Variants in NPHP4 observed in about 807,000 individuals in gnomAD.
NPHP4 encodes nephrocystin-4.
NPHP4 carries 151 observed loss-of-function variants against 155.8 expected under a neutral mutation model. That is an observed-to-expected ratio of 0.97 (90% CI 0.85 to 1.11). The LOEUF (loss-of-function observed/expected upper bound fraction) is 1.11. NPHP4 is among the 50% of genes least tolerant of loss of function. The pLI, the probability that NPHP4 is intolerant of heterozygous loss-of-function variation, is 0.00. For missense variants in NPHP4, 1,956 were observed against 1,925.7 expected (o/e 1.02, Z -0.29); for synonymous variants, 845 against 816.8 (o/e 1.03, Z -0.59).
At chr1:5,934,781 G>A (rs969255285) in intron 9 of NPHP4, among the ~76,000 whole-genome samples, 1 of 152,170 alleles carries the variant, frequency 6.6e-6, no homozygotes, top group Admixed American at 6.5e-5. Flanking sequence ...CCCATGCCCT[G>A]CCTAGGATGG....
At chr1:5,956,059 T>TG (rs35135056) in intron 6 of NPHP4, among the ~76,000 whole-genome samples, 13,431 of 104,756 alleles carry the variant, frequency 0.13, 1,423 homozygotes, top group Middle Eastern at 0.2. Context: ...TTCAAAAAGC[T>TG]GGGGGGGGGG....
At chr1:5,929,523 G>A (rs1053495694) in intron 10 of NPHP4, among the ~76,000 whole-genome samples, 2 of 152,058 alleles carry the variant, frequency 1.3e-5, no homozygotes, top group Non-Finnish European at 1.5e-5. Flanking sequence ...GCTGAATATC[G>A]TCAAATGTTT....
chr1:5,930,776 T>G (rs750608134), intron 10 of NPHP4, among the ~76,000 whole-genome samples: 1 of 152,250 alleles, frequency 6.6e-6, no homozygotes, highest in Non-Finnish European at 1.5e-5. Context: ...TAAATATCAT[T>G]CCGATCCAGT....
At chr1:5,921,011 T>C (rs767982823) in intron 11 of NPHP4, among the ~76,000 whole-genome samples, 8 of 152,244 alleles carry the variant, frequency 5.3e-5, no homozygotes, top group Admixed American at 3.3e-4. Context: ...ATTTAATCCA[T>C]CCCATTTTAC....
intron 2 of NPHP4, among the ~76,000 whole-genome samples, chr1:5,985,755 T>G (rs1178910826): frequency 1.3e-5 from 2 of 151,978 alleles, no homozygotes; most frequent in Admixed American, 6.6e-5. Flanking sequence ...CTCAAACGAG[T>G]AAGTGAAAAT....
chr1:5,895,523 A>C (rs1017255567), intron 16 of NPHP4, among the ~76,000 whole-genome samples: 1 of 152,082 alleles, frequency 6.6e-6, no homozygotes, highest in Non-Finnish European at 1.5e-5. Flanking sequence ...ACAAAACACA[A>C]CAAAAAAACT....
Position 5,952,747 on chromosome 1 carries a change from A to C in NPHP4, c.763T>G (p.Phe255Val). Residue 255 changes from phenylalanine to valine, a missense_variant, in exon 7 of 30, where the codon TTT becomes GTT. Physicochemically the swap from Phe to Val is conservative, Grantham distance 50 (BLOSUM62 -1). Transcript: ENST00000378156. ...FFTLYPSLEK[F>V]EEELLELHVQ... ...TGGAGCTCCAGCAGCTCTTCCTCAA[A>C]CTTCTCCAGGGAGGGGTACAGGGTG... is the stretch of plus-strand genomic sequence containing the variant. The C allele has an allele frequency of 6.4e-7, 1 of 1,568,112 alleles. No individual in the cohort carries two copies. Among genetic ancestry groups the C allele is most frequent in the Non-Finnish European group, 8.6e-7 (1 of 1,156,314 alleles).
At position 5,909,209 on chromosome 1, in the gene NPHP4, C is replaced by A. The variant is rs758600868; in HGVS notation, c.1446G>T (p.Pro482=). 1.2e-6 allele frequency: 2 copies of A among 1,601,750 alleles called. No individual in the cohort carries two copies. Among genetic ancestry groups the A allele is most frequent in the African/African-American group, 1.3e-5 (1 of 74,692 alleles). Residue 482 remains proline, a synonymous_variant, in exon 12 of 30, where the codon CCG becomes CCT. Transcript: ENST00000378156. The stretch of plus-strand genomic sequence containing the variant: ...CGAGAACTCGAGGTACTGGCGCTGG[C>A]GGGCCTGGGAGGAAGCACAGTGGGG... ...SRKPPTSPSS[P]PAPVPRVLAA...
chr1:5,867,176 C>A lies in NPHP4; in HGVS notation c.3473-61G>T. 7.8e-7 allele frequency: 1 copy of A among 1,288,726 alleles called. No individual in the cohort carries two copies. 79.8% of individuals were successfully genotyped at this position (1,288,726 alleles called of 1,614,324 possible). ...ACAGCCCCAGCCTGTGTGGAGAAGG[C>A]CCCACACATTACACACTATAGGACA... On this transcript the variant is annotated intron_variant, in intron 24 of 29. Transcript: ENST00000378156. This position sits in a 1 kb window ranked among gnomAD's most constrained non-coding sequence, Gnocchi z 4.1.
intron 19 of NPHP4, among the ~76,000 whole-genome samples, chr1:5,878,119 C>CT (rs1037363074): frequency 6.6e-6 from 1 of 152,204 alleles, no homozygotes; most frequent in Non-Finnish European, 1.5e-5. Context: ...GGCCTGGGTC[C>CT]TTCCTCACTC....
intron 1 of NPHP4, among the ~76,000 whole-genome samples, chr1:5,987,163 T>C (rs1655613999): frequency 1.3e-5 from 2 of 152,118 alleles, no homozygotes; most frequent in Non-Finnish European, 2.9e-5. Context: ...GTTTCAGGTG[T>C]TACCAGCTTC....
At chr1:5,988,737 G>C (rs577371151) in intron 1 of NPHP4, among the ~76,000 whole-genome samples, 1 of 151,524 alleles carries the variant, frequency 6.6e-6, no homozygotes, top group African/African-American at 2.4e-5. Flanking sequence ...CAGGCAGCCT[G>C]AGAGGGGCCT....
Position 5,867,690 on chromosome 1 carries a change from C to T in NPHP4, c.3472+50G>A. The stretch of plus-strand genomic sequence containing the variant: ...GTCACCCTCAAGAGGTATCTACTTC[C>T]AACAGGTGAGCCTGCAACATGTGGG... On this transcript the variant is annotated intron_variant, in intron 24 of 29. Transcript: ENST00000378156. This position sits in a 1 kb window ranked among gnomAD's most constrained non-coding sequence, Gnocchi z 4.1. The T allele has an allele frequency of 7.5e-6, 12 of 1,591,712 alleles. No homozygotes were observed. Among genetic ancestry groups the T allele is most frequent in the South Asian group, 1.1e-5 (1 of 90,318 alleles).
chr1:5,970,129 G>A (rs910829261), intron 3 of NPHP4, among the ~76,000 whole-genome samples: 9 of 152,092 alleles, frequency 5.9e-5, no homozygotes, highest in South Asian at 2.1e-4. Context: ...TCATACGGGC[G>A]CTCCCACTTG....
chr1:5,896,159 C>G (rs1373980465), intron 16 of NPHP4, among the ~76,000 whole-genome samples: 1 of 152,180 alleles, frequency 6.6e-6, no homozygotes, highest in Non-Finnish European at 1.5e-5. Flanking sequence ...AACGAAAAGT[C>G]TGGTTACTGT....
At chr1:5,894,309 CCAGG>C (rs1433784582) in intron 16 of NPHP4, among the ~76,000 whole-genome samples, 7 of 152,064 alleles carry the variant, frequency 4.6e-5, no homozygotes, top group African/African-American at 1.7e-4. Flanking sequence ...CAAAAACTGC[CCAGG>C]CATAGTGGTG....
chr1:5,870,959 G>C (rs11804710), intron 23 of NPHP4, among the ~76,000 whole-genome samples: 4,072 of 152,332 alleles, frequency 0.027, 181 homozygotes, highest in African/African-American at 0.089. Context: ...ATGTGAATGG[G>C]GCCTGTGATG....
rs1416247197 is a variant in NPHP4 at position 5,879,834 on chromosome 1, AACAC to A, written c.2611+276_2611+279del. ...ACACGCAAACACACACACACACGCA[AACAC>A]ACACAGACACGCACACAGACACGCA... On this transcript the variant is annotated intron_variant, in intron 19 of 29. Coordinates refer to ENST00000378156, the MANE Select transcript of NPHP4 (RefSeq NM_015102.5). 3.2e-4 allele frequency among the ~76,000 whole-genome samples: 31 copies of A among 97,668 alleles called. 1 individual carries two copies. The highest frequency in any genetic ancestry group is 2.2e-3 in the East Asian group (9 of 4,014). 64.1% of individuals were successfully genotyped at this position (97,668 alleles called of 152,430 possible).
chr1:5,866,242 A>G, intron 26 of NPHP4, 131 bp downstream of exon 26: 1 of 726,038 alleles, frequency 1.4e-6, no homozygotes, highest in Middle Eastern at 2.4e-4. Context: ...CCCGCCTCAC[A>G]AAGCGAAGGC....
Sources: gnomAD v4.1 joint callset for allele counts (sites outside exome capture counted in the v4.1 genomes callset) on GRCh38, gnomAD v4.1.1 for gene constraint, Gnocchi (gnomAD v3.1) non-coding constraint, MANE v1.5 for transcripts, NCBI Gene and HGNC (gene_info 2026-07-23, HGNC 2026-07-21) for gene names.